The following KCNAB1 variants were observed in gnomAD, a reference collection of about 807,000 sequenced individuals.
KCNAB1 encodes the protein voltage-gated potassium channel subunit beta-1.
A neutral mutation model predicts 64.6 loss-of-function variants in KCNAB1; 35 were observed. That is an observed-to-expected ratio of 0.54 (90% CI 0.41 to 0.72). The LOEUF (loss-of-function observed/expected upper bound fraction) is 0.72, where lower values mean the gene tolerates loss of function less well. Among genes scored for constraint, KCNAB1 ranks in the 30% least tolerant of loss-of-function variants. The pLI, the probability that KCNAB1 is intolerant of heterozygous loss-of-function variation, is 0.00. For synonymous variants in KCNAB1, 177 were observed against 183.8 expected (o/e 0.96, Z 0.30); for missense variants, 401 against 512.9 (o/e 0.78, Z 2.11).
chr3:156,169,367 T>C (rs929175358), intron 1 of KCNAB1, among the ~76,000 whole-genome samples: 3 of 152,200 alleles, frequency 2.0e-5, no homozygotes, highest in African/African-American at 7.2e-5. Context: ...TATGTGGTGA[T>C]TTTAAGCCTA....
chr3:156,397,457 G>A (rs1457419414), intron 1 of KCNAB1, among the ~76,000 whole-genome samples: 1 of 152,146 alleles, frequency 6.6e-6, no homozygotes, highest in Non-Finnish European at 1.5e-5. Flanking sequence ...AAAGACCTCA[G>A]GAATGGCTCA....
At chr3:156,159,443 A>G (rs1408553492) in intron 1 of KCNAB1, among the ~76,000 whole-genome samples, 8 of 152,214 alleles carry the variant, frequency 5.3e-5, no homozygotes, top group Admixed American at 2.0e-4. Context: ...ATTTTTAATA[A>G]GGAACACATT....
Position 156,354,120 on chromosome 3 carries a change from G to GTATA in KCNAB1, c.276-67476_276-67473dup, listed in dbSNP as rs34730584. On this transcript the variant is annotated intron_variant, in intron 1 of 13. Coordinates refer to ENST00000490337, the MANE Select transcript of KCNAB1 (RefSeq NM_172160.3). ...AATATATGTATATATATGTGTGTGTGTATATATATATATATATATATATGT... is the reference window on the plus strand; with the variant it reads ...AATATATGTATATATATGTGTGTGTGTATATATATATATATATATATATATATGT... Among the ~76,000 whole-genome samples, 943 of 132,536 alleles carry GTATA rather than the reference G, an allele frequency of 7.1e-3. 8 individuals are homozygous for GTATA. The highest frequency in any genetic ancestry group is 0.031 in the East Asian group (147 of 4,744). 86.9% of individuals were successfully genotyped at this position (132,536 alleles called of 152,430 possible). A position where few individuals can be genotyped will look rare whatever the true frequency, so the allele number is the denominator to read the frequency against.
At chr3:156,199,723 C>T (rs1488774045) in intron 1 of KCNAB1, among the ~76,000 whole-genome samples, 1 of 152,110 alleles carries the variant, frequency 6.6e-6, no homozygotes, top group Non-Finnish European at 1.5e-5. Flanking sequence ...TCTTGTAACC[C>T]TGTATCAAAG....
At chr3:156,163,918 G>A (rs1482859155) in intron 1 of KCNAB1, among the ~76,000 whole-genome samples, 1 of 152,188 alleles carries the variant, frequency 6.6e-6, no homozygotes, top group African/African-American at 2.4e-5. Flanking sequence ...CAACCTTGAT[G>A]ATCTACAAGG....
In KCNAB1 at chr3:156,120,804, G is replaced by A. The variant is rs780117292; in HGVS notation, c.193G>A (p.Glu65Lys). The A allele has an allele frequency of 3.1e-6, 5 of 1,614,136 alleles. No homozygotes were observed. The East Asian group carries it at 1.1e-4, about 36-fold the overall frequency. ...GGCGCGTCAACTGGCTCTGCTGCGCGAAGTGGAGATGAACTGGTACCTAAA... is the reference window on the plus strand; with the variant it reads ...GGCGCGTCAACTGGCTCTGCTGCGCAAAGTGGAGATGAACTGGTACCTAAA... The part of the protein sequence containing the change: ...LRARQLALLR[E>K]VEMNWYLKLC... The change falls in exon 1 of 14, where the codon GAA becomes AAA. Residue 65 changes from glutamate (E) to lysine (K), a missense_variant. Physicochemically the swap from Glu to Lys is moderately conservative, Grantham distance 56. Transcript: ENST00000490337.
At chr3:156,463,497 C>G (rs1458270720) in intron 5 of KCNAB1, among the ~76,000 whole-genome samples, 1 of 152,166 alleles carries the variant, frequency 6.6e-6, no homozygotes, top group Non-Finnish European at 1.5e-5. Flanking sequence ...CAGCCTCTTC[C>G]TCTAGGATCC....
At chr3:156,274,115 G>GA (rs1719194121) in intron 1 of KCNAB1, among the ~76,000 whole-genome samples, 1 of 152,032 alleles carries the variant, frequency 6.6e-6, no homozygotes, top group South Asian at 2.1e-4. Flanking sequence ...ACACAAAGAG[G>GA]AAAAAACAAA....
chr3:156,148,481 A>G (rs191519118), intron 1 of KCNAB1, among the ~76,000 whole-genome samples: 1 of 152,316 alleles, frequency 6.6e-6, no homozygotes, highest in African/African-American at 2.4e-5. Flanking sequence ...CCCTGCTAAT[A>G]GTGCTCTAGC....
At chr3:156,466,215 A>G (rs1255549670) in intron 7 of KCNAB1, among the ~76,000 whole-genome samples, 1 of 152,090 alleles carries the variant, frequency 6.6e-6, no homozygotes, top group African/African-American at 2.4e-5. Context: ...TGGACATTTC[A>G]TGTAAATGAG....
chr3:156,196,277 G>A (rs1439060450), intron 1 of KCNAB1, among the ~76,000 whole-genome samples: 1 of 152,180 alleles, frequency 6.6e-6, no homozygotes, highest in Non-Finnish European at 1.5e-5. Context: ...GCTTAGGATT[G>A]TCTTGGCTAT....
At chr3:156,128,336 G>A (rs115840462) in intron 1 of KCNAB1, among the ~76,000 whole-genome samples, 2,131 of 152,302 alleles carry the variant, frequency 0.014, 23 homozygotes, top group South Asian at 0.04. Context: ...TGCAACTGAA[G>A]TATCTCTGAA....
chr3:156,273,627 C>G (rs1719167628), intron 1 of KCNAB1: 1 of 456,278 alleles, frequency 2.2e-6, no homozygotes, highest in Admixed American at 2.3e-5. Flanking sequence ...TCACCGCTGT[C>G]TTTCCTACTC....
chr3:156,524,793 ATC>A (rs1230500798), intron 12 of KCNAB1, among the ~76,000 whole-genome samples: 2 of 149,786 alleles, frequency 1.3e-5, no homozygotes, highest in African/African-American at 4.9e-5. Context: ...CCCAAACCAC[ATC>A]CACTGTTTGA....
At chr3:156,210,954 A>C (rs752673994) in intron 1 of KCNAB1, among the ~76,000 whole-genome samples, 22 of 152,224 alleles carry the variant, frequency 1.4e-4, no homozygotes, top group Non-Finnish European at 2.4e-4. Context: ...TGGTCCAGGA[A>C]GCAGAGTTGG....
At chr3:156,300,741 C>A (rs765989603) in intron 1 of KCNAB1, among the ~76,000 whole-genome samples, 2 of 152,018 alleles carry the variant, frequency 1.3e-5, no homozygotes, top group Non-Finnish European at 2.9e-5. Context: ...CATAGCAATT[C>A]TTATGAGATA....
intron 1 of KCNAB1, among the ~76,000 whole-genome samples, chr3:156,198,686 A>G (rs1345182602): frequency 7.3e-5 from 9 of 123,518 alleles, no homozygotes; most frequent in East Asian, 2.3e-4. Context: ...TTTTGAGCCT[A>G]TGTGTGTCTT....
intron 1 of KCNAB1, among the ~76,000 whole-genome samples, chr3:156,160,309 G>T (rs1715999914): frequency 6.6e-6 from 1 of 152,168 alleles, no homozygotes. Flanking sequence ...ACATTGACTT[G>T]TTTGCATCAG....
chr3:156,265,594 G>A (rs1718654571), intron 1 of KCNAB1, among the ~76,000 whole-genome samples: 1 of 152,164 alleles, frequency 6.6e-6, no homozygotes, highest in African/African-American at 2.4e-5. Context: ...AGGCTCACCT[G>A]CCCTTATTTG....
Sources: allele counts gnomAD v4.1 joint callset (sites outside exome capture counted in the v4.1 genomes callset), GRCh38; gene constraint gnomAD v4.1.1; transcripts MANE v1.5; gene names NCBI Gene and HGNC (gene_info 2026-07-23, HGNC 2026-07-21).